SHISA9: variants seen among roughly 807,000 people sequenced by gnomAD.
The protein encoded by SHISA9 is protein shisa-9.
Under a neutral mutation model 38.0 loss-of-function variants are expected in SHISA9, and 13 were observed. That is an observed-to-expected ratio of 0.34 (90% CI 0.22 to 0.54). SHISA9 has a LOEUF of 0.54. SHISA9 is among the 20% of genes least tolerant of loss of function. The pLI is 0.91. For missense variants in SHISA9, 538 were observed against 575.8 expected, an observed-to-expected ratio of 0.93 and a Z score of 0.67; for synonymous variants, 275 against 242.0, an observed-to-expected ratio of 1.14 and a Z score of -1.27.
In SHISA9 at chr16:13,015,040, C is replaced by A. The variant is rs117351590; in HGVS notation, c.691+98225C>A. ...ATTCTCTCCTTTCATCAGCATTGCTCTCCACATCATCAAAGCTACCATTTA... is the reference window on the plus strand; with the variant it reads ...ATTCTCTCCTTTCATCAGCATTGCTATCCACATCATCAAAGCTACCATTTA... On this transcript the variant is annotated intron_variant, in intron 2 of 4. Transcript: ENST00000558583. 8.4e-3 allele frequency among the ~76,000 whole-genome samples: 1,277 copies of A among 152,336 alleles called. 12 individuals are homozygous for A. The highest frequency in any genetic ancestry group is 0.02 in the Middle Eastern group (6 of 294).
the SHISA9 span, among the ~76,000 whole-genome samples, chr16:13,255,063 T>C: frequency 2.6e-5 from 4 of 152,200 alleles, no homozygotes; most frequent in East Asian, 7.7e-4. Flanking sequence ...CACTGCAGAC[T>C]TGGATACCTG....
chr16:13,313,125 G>A, the SHISA9 span, among the ~76,000 whole-genome samples: 2 of 149,802 alleles, frequency 1.3e-5, no homozygotes, highest in African/African-American at 4.9e-5. Context: ...CGTAGTGGCG[G>A]GCGCCTGTAG....
chr16:13,428,218 G>T, the SHISA9 span, among the ~76,000 whole-genome samples: 1 of 152,074 alleles, frequency 6.6e-6, no homozygotes, highest in South Asian at 2.1e-4. Context: ...AATTTTCTGT[G>T]GAAGAGTATC....
At chr16:13,462,087 T>C in the SHISA9 span, among the ~76,000 whole-genome samples, 1 of 151,290 alleles carries the variant, frequency 6.6e-6, no homozygotes, top group Non-Finnish European at 1.5e-5. Flanking sequence ...CTGAGCAACA[T>C]AGTGAGACCC....
chr16:13,302,635 G>C, the SHISA9 span, among the ~76,000 whole-genome samples: 76,625 of 151,928 alleles, frequency 0.5, 19,540 homozygotes, highest in Admixed American at 0.59. Context: ...GAGCCATGCT[G>C]TCTTCTATCC....
At chr16:13,260,304 C>T in the SHISA9 span, among the ~76,000 whole-genome samples, 1 of 152,042 alleles carries the variant, frequency 6.6e-6, no homozygotes, top group Admixed American at 6.5e-5. Flanking sequence ...GCATGAGCCA[C>T]CGCGCCTGGC....
the SHISA9 span, among the ~76,000 whole-genome samples, chr16:13,297,065 A>T: frequency 6.6e-6 from 1 of 152,154 alleles, no homozygotes; most frequent in African/African-American, 2.4e-5. Flanking sequence ...TACTGTAAGC[A>T]AATATTAATA....
At chr16:13,327,864 G>A in the SHISA9 span, among the ~76,000 whole-genome samples, 1 of 151,838 alleles carries the variant, frequency 6.6e-6, no homozygotes, top group East Asian at 2.0e-4. Context: ...TCTCCATGTT[G>A]GCCAGGCTGG....
downstream of SHISA9, among the ~76,000 whole-genome samples, chr16:13,243,769 G>GTTTT (rs34605909): frequency 4.5e-4 from 40 of 89,810 alleles, 1 homozygote; most frequent in Non-Finnish European, 6.5e-4. Flanking sequence ...TTACAGCAGC[G>GTTTT]TTTTTTTTTT....
intron 2 of SHISA9, among the ~76,000 whole-genome samples, chr16:12,943,353 G>C (rs2071646559): frequency 4.0e-5 from 2 of 50,454 alleles, no homozygotes; most frequent in Non-Finnish European, 1.0e-4. Flanking sequence ...GAGAGAGAGA[G>C]AGAGAGAGAG....
At chr16:13,064,560 T>TA (rs1334981799) in intron 2 of SHISA9, among the ~76,000 whole-genome samples, 2 of 152,182 alleles carry the variant, frequency 1.3e-5, no homozygotes, top group African/African-American at 4.8e-5. Flanking sequence ...TTTTGAATGA[T>TA]ATAAGGATCA....
chr16:13,445,114 G>C, the SHISA9 span, among the ~76,000 whole-genome samples: 8 of 150,184 alleles, frequency 5.3e-5, no homozygotes, highest in East Asian at 3.9e-4. Context: ...CACCCACCTC[G>C]GCCTCCCAAA....
chr16:13,519,844 C>T, the SHISA9 span, among the ~76,000 whole-genome samples: 1 of 152,122 alleles, frequency 6.6e-6, no homozygotes, highest in Non-Finnish European at 1.5e-5. Context: ...GTAACTACCC[C>T]CATGATTCAA....
chr16:12,950,931 A>C (rs915757572), intron 2 of SHISA9, among the ~76,000 whole-genome samples: 6 of 149,154 alleles, frequency 4.0e-5, no homozygotes, highest in African/African-American at 1.2e-4. Context: ...TTTTTTTTTA[A>C]ATGTGGCTAC....
intron 2 of SHISA9, among the ~76,000 whole-genome samples, chr16:13,032,823 C>T (rs1250872795): frequency 6.6e-6 from 1 of 152,094 alleles, no homozygotes; most frequent in Non-Finnish European, 1.5e-5. Flanking sequence ...AGGAGTGCAA[C>T]TGAATTCAGG....
intron 3 of SHISA9, among the ~76,000 whole-genome samples, chr16:13,208,177 G>A (rs1213131465): frequency 2.0e-5 from 3 of 152,102 alleles, no homozygotes; most frequent in African/African-American, 4.8e-5. Flanking sequence ...AGATGTCCAA[G>A]TTCCATTTTA....
intron 2 of SHISA9, among the ~76,000 whole-genome samples, chr16:13,096,225 A>G (rs772263666): frequency 6.6e-6 from 1 of 152,236 alleles, no homozygotes; most frequent in African/African-American, 2.4e-5. Flanking sequence ...CCTTGTTTAT[A>G]GTAGACACTC....
the SHISA9 span, among the ~76,000 whole-genome samples, chr16:13,366,672 G>C: frequency 2.6e-5 from 4 of 151,346 alleles, no homozygotes; most frequent in East Asian, 7.7e-4. Flanking sequence ...GTGAGACCCT[G>C]TCTCTACAAA....
At chr16:13,270,682 A>G in the SHISA9 span, among the ~76,000 whole-genome samples, 1 of 152,204 alleles carries the variant, frequency 6.6e-6, no homozygotes, top group Non-Finnish European at 1.5e-5. Flanking sequence ...CTAGCTGAAG[A>G]TCAATATCTG....
Sources: gnomAD v4.1 joint callset for allele counts (sites outside exome capture counted in the v4.1 genomes callset) on GRCh38, gnomAD v4.1.1 for gene constraint, MANE v1.5 for transcripts, NCBI Gene and HGNC (gene_info 2026-07-23, HGNC 2026-07-21) for gene names.